The following TBC1D22A variants were observed in gnomAD, a reference collection of about 807,000 sequenced individuals.
TBC1D22A encodes TBC1 domain family member 22A.
Under a neutral mutation model 60.2 loss-of-function variants are expected in TBC1D22A, and 38 were observed. The ratio of observed to expected loss-of-function variants is 0.63; its 90% CI spans 0.49 to 0.83. TBC1D22A has a LOEUF of 0.83. TBC1D22A is among the 40% of genes least tolerant of loss of function. TBC1D22A has a pLI of 0.00. For synonymous variants in TBC1D22A, 302 were observed against 281.7 expected (o/e 1.07, Z -0.72); for missense variants, 628 against 701.0 (o/e 0.90, Z 1.18).
chr22:46,871,038 A>G (rs77964234), intron 4 of TBC1D22A, among the ~76,000 whole-genome samples: 12,223 of 152,294 alleles, frequency 0.08, 667 homozygotes, highest in Non-Finnish European at 0.12. Context: ...AATATATGTC[A>G]TGCAAGCTCT....
intron 8 of TBC1D22A, chr22:46,913,670 T>C: frequency 1.0e-6 from 1 of 985,452 alleles, no homozygotes; most frequent in Non-Finnish European, 1.2e-6. Context: ...GTAGGACCTC[T>C]GTCAGTAGAC....
At chr22:46,933,625 T>TCG (rs375567614) in intron 8 of TBC1D22A, among the ~76,000 whole-genome samples, 1 of 150,534 alleles carries the variant, frequency 6.6e-6, no homozygotes, top group African/African-American at 2.5e-5. Context: ...GAGAGACCAC[T>TCG]GGGGGGGGGT....
chr22:46,919,549 A>G (rs865946211), intron 8 of TBC1D22A, among the ~76,000 whole-genome samples: 3 of 152,220 alleles, frequency 2.0e-5, no homozygotes, highest in Middle Eastern at 6.8e-3. Flanking sequence ...CTGTTGGTAT[A>G]TAACTGGGAG....
intron 11 of TBC1D22A, among the ~76,000 whole-genome samples, chr22:47,103,231 T>C (rs918625810): frequency 6.6e-6 from 1 of 151,966 alleles, no homozygotes; most frequent in Non-Finnish European, 1.5e-5. Context: ...GGGATTAGAA[T>C]GAAGAAGGGG....
At position 47,153,380 on chromosome 22, in the gene TBC1D22A, G is replaced by T. The variant is rs192310773; in HGVS notation, c.1426-20118G>T. Among the ~76,000 whole-genome samples, 847 of 152,270 alleles carry T rather than the reference G, an allele frequency of 5.6e-3. 9 individuals carry two copies. The highest frequency in any genetic ancestry group is 0.019 in the African/African-American group (788 of 41,552). The stretch of plus-strand genomic sequence containing the variant: ...TTAAAGTTCTGTTCCTAAAGACGGG[G>T]AGGGTGGCTGAATGGCTGTTGAGTG... On this transcript the variant is annotated intron_variant, in intron 12 of 12. Coordinates refer to ENST00000337137, the MANE Select transcript of TBC1D22A (RefSeq NM_014346.5).
At chr22:46,952,154 C>T (rs1236130500) in intron 8 of TBC1D22A, among the ~76,000 whole-genome samples, 1 of 137,716 alleles carries the variant, frequency 7.3e-6, no homozygotes, top group African/African-American at 2.6e-5. Context: ...GTGGTTGACA[C>T]TTTGCAGCCA....
chr22:46,937,226 T>G (rs1253347679), intron 8 of TBC1D22A, among the ~76,000 whole-genome samples: 1 of 152,172 alleles, frequency 6.6e-6, no homozygotes, highest in Admixed American at 6.5e-5. Flanking sequence ...TTTTAAAAAA[T>G]AGAAGAAAAT....
chr22:46,851,082 C>G (rs1478390025), intron 4 of TBC1D22A, among the ~76,000 whole-genome samples: 1 of 152,070 alleles, frequency 6.6e-6, no homozygotes, highest in Non-Finnish European at 1.5e-5. Flanking sequence ...AAGGGTCGCA[C>G]AGGTCTGCAT....
At chr22:46,919,366 C>T (rs1031892415) in intron 8 of TBC1D22A, among the ~76,000 whole-genome samples, 4 of 152,178 alleles carry the variant, frequency 2.6e-5, no homozygotes, top group South Asian at 2.1e-4. Flanking sequence ...GTAACGTCTC[C>T]GGGTACGGAC....
intron 4 of TBC1D22A, among the ~76,000 whole-genome samples, chr22:46,802,297 C>T (rs2084932524): frequency 1.3e-5 from 2 of 152,312 alleles, no homozygotes; most frequent in South Asian, 4.1e-4. Context: ...CGCTCAGTAC[C>T]CCCGCAACCA....
chr22:46,998,100 C>G lies in TBC1D22A; in HGVS notation c.1201+391C>G, dbSNP rs1379928886. ...AGAATAATTTCTCCATGGAATCTAA[C>G]TAATTACTGAGTCTGGAAATAACAT... On this transcript the variant is annotated intron_variant, in intron 10 of 12. Transcript: ENST00000337137. Among the ~76,000 whole-genome samples the G allele has an allele frequency of 2.6e-5, 4 of 152,166 alleles. No homozygotes were observed. In the East Asian group the frequency reaches 7.7e-4, roughly 29 times the overall value.
chr22:46,943,218 C>T (rs769866977), intron 8 of TBC1D22A, among the ~76,000 whole-genome samples: 10 of 152,128 alleles, frequency 6.6e-5, no homozygotes, highest in Non-Finnish European at 1.3e-4. Flanking sequence ...AGCCTCCCCG[C>T]GGCATCCATC....
intron 7 of TBC1D22A, among the ~76,000 whole-genome samples, chr22:46,900,132 A>G (rs1460060073): frequency 6.7e-6 from 1 of 148,276 alleles, no homozygotes. Context: ...TTATAATTGG[A>G]TGTTTTGACA....
At chr22:46,878,759 C>T in intron 5 of TBC1D22A, 36 bp downstream of exon 5, 3 of 1,601,710 alleles carry the variant, frequency 1.9e-6, no homozygotes, top group Non-Finnish European at 2.6e-6. Flanking sequence ...GCGCCTCCTT[C>T]CTGTGCACAG....
intron 10 of TBC1D22A, among the ~76,000 whole-genome samples, chr22:47,030,810 C>G (rs888562212): frequency 1.3e-5 from 2 of 152,218 alleles, no homozygotes; most frequent in Admixed American, 6.5e-5. Context: ...ACATTTGCAG[C>G]TTTGATGTGT....
At chr22:47,007,630 G>T (rs2061633328) in intron 10 of TBC1D22A, among the ~76,000 whole-genome samples, 2 of 150,952 alleles carry the variant, frequency 1.3e-5, no homozygotes, top group South Asian at 2.1e-4. Flanking sequence ...GGGTTGGGTT[G>T]CAAAAGGCTG....
chr22:46,850,349 T>C (rs1471154983), intron 4 of TBC1D22A, among the ~76,000 whole-genome samples: 1 of 152,218 alleles, frequency 6.6e-6, no homozygotes, highest in Non-Finnish European at 1.5e-5. Flanking sequence ...CGTGTGCGCA[T>C]GTGTGCATTA....
At chr22:46,946,490 G>A (rs2072550525) in intron 8 of TBC1D22A, among the ~76,000 whole-genome samples, 1 of 152,106 alleles carries the variant, frequency 6.6e-6, no homozygotes, top group East Asian at 1.9e-4. Flanking sequence ...GAAGCCTGAG[G>A]CCGGCCAGCC....
At chr22:47,139,836 G>A (rs978481885) in intron 12 of TBC1D22A, among the ~76,000 whole-genome samples, 11 of 152,326 alleles carry the variant, frequency 7.2e-5, no homozygotes, top group East Asian at 3.9e-4. Flanking sequence ...AGATAATCCC[G>A]TTGTAATAAA....
Sources: gnomAD v4.1 joint callset for allele counts (sites outside exome capture counted in the v4.1 genomes callset) on GRCh38, gnomAD v4.1.1 for gene constraint, MANE v1.5 for transcripts, NCBI Gene and HGNC (gene_info 2026-07-23, HGNC 2026-07-21) for gene names.